Variants in CASS4 observed in about 807,000 individuals in gnomAD.
The protein encoded by CASS4 is Cas scaffold protein family member 4.
CASS4 carries 22 observed loss-of-function variants against 54.2 expected under a neutral mutation model. That is an observed-to-expected ratio of 0.41 (90% confidence interval 0.29 to 0.58). CASS4 has a LOEUF of 0.58. Ranked by LOEUF, CASS4 falls within the 20% of genes least tolerant of loss-of-function variation. CASS4 has a pLI of 0.36. For synonymous variants in CASS4, 409 were observed against 391.5 expected, an observed-to-expected ratio of 1.04 and a Z score of -0.53; for missense variants, 854 against 986.7, an observed-to-expected ratio of 0.87 and a Z score of 1.80.
intron 3 of CASS4, among the ~76,000 whole-genome samples, chr20:56,447,660 C>T (rs1024906546): frequency 2.0e-5 from 3 of 152,234 alleles, no homozygotes; most frequent in Admixed American, 6.5e-5. Context: ...TCTCCTCTGG[C>T]TGCTGGCTCC....
At chr20:56,417,086 T>A (rs1440558245) in intron 1 of CASS4, among the ~76,000 whole-genome samples, 1 of 152,212 alleles carries the variant, frequency 6.6e-6, no homozygotes, top group Non-Finnish European at 1.5e-5. Context: ...CGACAAAATG[T>A]GTTGGCTTGG....
chr20:56,456,863 T>C (rs1031170531), intron 5 of CASS4, among the ~76,000 whole-genome samples: 1 of 151,744 alleles, frequency 6.6e-6, no homozygotes. Context: ...TTTGTTTTGT[T>C]TTTGGTAGAG....
rs578226162 is a variant in CASS4 at position 56,427,291 on chromosome 20, G to C, written c.37-9873G>C. On this transcript the variant is annotated intron_variant, in intron 1 of 5. Coordinates refer to ENST00000679887, the MANE Select transcript of CASS4 (RefSeq NM_020356.4). ...CTGTAGATACTTTGATTTTTCCTCA[G>C]GTTGTCCTTCCTCCTTCTCTGTCTT... Among the ~76,000 whole-genome samples the C allele has an allele frequency of 5.9e-5, 9 of 152,064 alleles. No individual in the cohort carries two copies. In the South Asian group the frequency reaches 1.9e-3, roughly 32 times the overall value.
intron 3 of CASS4, 130 bp downstream of exon 3, chr20:56,446,131 C>T: frequency 1.6e-6 from 1 of 607,642 alleles, no homozygotes. Context: ...GAATACACAT[C>T]ACCACTCAGA....
chr20:56,438,144 C>T (rs1286844203), intron 2 of CASS4, among the ~76,000 whole-genome samples: 1 of 151,944 alleles, frequency 6.6e-6, no homozygotes, highest in Non-Finnish European at 1.5e-5. Context: ...AAAAATTAGC[C>T]AGCATAGTAG....
chr20:56,433,215 C>G (rs1979999151), intron 1 of CASS4, among the ~76,000 whole-genome samples: 1 of 152,146 alleles, frequency 6.6e-6, no homozygotes, highest in Non-Finnish European at 1.5e-5. Context: ...ATGGGGAGAA[C>G]TAGTTTGGTC....
rs368270565 is a variant in CASS4 at position 56,437,350 on chromosome 20, G to A, written c.223G>A (p.Ala75Thr). The A allele has an allele frequency of 2.4e-5, 38 of 1,613,914 alleles. No individual in the cohort carries two copies. The highest frequency in any genetic ancestry group is 3.3e-5 in the South Asian group (3 of 91,050). The part of the protein sequence containing the change: ...ANRLQILTEV[A>T]ADRPCPPFLR... ...CCGCCTCCAAATCCTCACGGAGGTC[G>A]CTGCAGACAGGCCGTGCCCCCCATT... Residue 75 changes from alanine (A) to threonine (T), a missense_variant, in exon 2 of 6, where the codon GCT becomes ACT. By Grantham distance (58) the Ala-to-Thr change is moderately conservative. Coordinates refer to ENST00000679887, the MANE Select transcript of CASS4 (RefSeq NM_020356.4). The surrounding 1 kb of genome is among the most constrained non-coding windows in gnomAD (Gnocchi z 4.7).
intron 1 of CASS4, among the ~76,000 whole-genome samples, chr20:56,417,492 A>G (rs1409282570): frequency 6.6e-6 from 1 of 151,922 alleles, no homozygotes; most frequent in African/African-American, 2.4e-5. Flanking sequence ...TCTTACCTTC[A>G]CTTATTAAGA....
At chr20:56,435,047 T>C (rs1469236927) in intron 1 of CASS4, among the ~76,000 whole-genome samples, 10 of 152,258 alleles carry the variant, frequency 6.6e-5, no homozygotes, top group Admixed American at 6.5e-4. Context: ...CATGATCTCC[T>C]GGGATCTCAG....
rs1359946287 is a variant in CASS4, at chr20:56,451,934, C to G, written c.758C>G (p.Ala253Gly). ...IYDTPVSPGK[A>G]SVRNTPLTSF... Reference sequence around the variant, plus strand: ...GACACTCCAGTGTCTCCAGGAAAGGCCAGCGTCAGAAACACGCCTCTCACC... The same window carrying G: ...GACACTCCAGTGTCTCCAGGAAAGGGCAGCGTCAGAAACACGCCTCTCACC... The change falls in exon 5 of 6, where the codon GCC (alanine) becomes GGC (glycine). Residue 253 changes from alanine (A) to glycine (G), a missense_variant. By Grantham distance (60) the Ala-to-Gly change is moderately conservative (BLOSUM62 0). Transcript: ENST00000679887. The G allele has an allele frequency of 2.5e-6, 4 of 1,614,140 alleles. No individual in the cohort carries two copies. In the Admixed American group the frequency reaches 6.7e-5, roughly 27 times the overall value.
chr20:56,412,215 G>C (rs1030695868), upstream of CASS4: 3 of 517,036 alleles, frequency 5.8e-6, no homozygotes, highest in African/African-American at 5.9e-5. This position sits in a 1 kb window ranked among gnomAD's most constrained non-coding sequence, Gnocchi z 4.2. Flanking sequence ...GCATTGAGAC[G>C]TGAGTGTGGC....
intron 2 of CASS4, among the ~76,000 whole-genome samples, chr20:56,440,531 C>T (rs867644602): frequency 4.6e-5 from 7 of 152,204 alleles, no homozygotes; most frequent in African/African-American, 1.7e-4. Flanking sequence ...CTCCTCCCTG[C>T]TCATGCCACT....
In CASS4 at chr20:56,437,734, T is replaced by C; in HGVS notation, c.459+148T>C. The C allele has an allele frequency of 1.3e-6, 1 of 745,856 alleles. No individual in the cohort carries two copies. The highest frequency in any genetic ancestry group is 2.4e-5 in the South Asian group (1 of 42,174). 46.2% of individuals were successfully genotyped at this position (745,856 alleles called of 1,614,324 possible). ...GGCAATCACGCTCGGGGAGCTTGTG[T>C]GCCAGGTTGGGATGGAGAACTCAGC... is the stretch of plus-strand genomic sequence containing the variant. On this transcript the variant is annotated intron_variant, in intron 2 of 5. Coordinates refer to ENST00000679887, the MANE Select transcript of CASS4 (RefSeq NM_020356.4). The surrounding 1 kb of genome is among the most constrained non-coding windows in gnomAD (Gnocchi z 4.7).
chr20:56,432,898 G>A (rs79181856), intron 1 of CASS4, among the ~76,000 whole-genome samples: 1 of 152,014 alleles, frequency 6.6e-6, no homozygotes, highest in Non-Finnish European at 1.5e-5. Flanking sequence ...GTGTGGGCAG[G>A]GGCGTCACAG....
intron 1 of CASS4, among the ~76,000 whole-genome samples, chr20:56,424,601 T>C (rs1979553257): frequency 6.6e-6 from 1 of 151,424 alleles, no homozygotes; most frequent in Non-Finnish European, 1.5e-5. Flanking sequence ...ATTTGCCGGG[T>C]GTGGTGGCAT....
At chr20:56,418,534 G>A (rs937606772) in intron 1 of CASS4, among the ~76,000 whole-genome samples, 1 of 152,242 alleles carries the variant, frequency 6.6e-6, no homozygotes, top group African/African-American at 2.4e-5. Context: ...CAGATGGGCT[G>A]TAAGTAGGAA....
intron 3 of CASS4, among the ~76,000 whole-genome samples, chr20:56,447,359 G>A (rs534129404): frequency 3.3e-5 from 5 of 152,228 alleles, no homozygotes; most frequent in Non-Finnish European, 7.3e-5. Flanking sequence ...GGGCCTGCCT[G>A]CTGGGCTGGG....
intron 1 of CASS4, among the ~76,000 whole-genome samples, chr20:56,433,136 G>T (rs779453757): frequency 3.1e-4 from 47 of 152,238 alleles, no homozygotes; most frequent in Non-Finnish European, 3.2e-4. Context: ...TTCTTATGGG[G>T]AGACAGACCC....
chr20:56,428,562 A>G (rs1251221654), intron 1 of CASS4, among the ~76,000 whole-genome samples: 1 of 152,212 alleles, frequency 6.6e-6, no homozygotes, highest in East Asian at 1.9e-4. Flanking sequence ...AGCATGCCAC[A>G]GCCTCCACCA....
Sources: allele counts gnomAD v4.1 joint callset (sites outside exome capture counted in the v4.1 genomes callset), GRCh38; gene constraint gnomAD v4.1.1; non-coding constraint Gnocchi (gnomAD v3.1); transcripts MANE v1.5; gene names NCBI Gene and HGNC (gene_info 2026-07-23, HGNC 2026-07-21).